The following ABCB1 variants were observed in gnomAD, a reference collection of about 807,000 sequenced individuals.
ABCB1 encodes the protein ATP-dependent translocase ABCB1.
In ABCB1, 69 loss-of-function variants were observed where a neutral mutation model predicts 142.0. The ratio of observed to expected loss-of-function variants is 0.49; its 90% CI spans 0.40 to 0.59. The LOEUF (loss-of-function observed/expected upper bound fraction) is 0.59, where lower values mean the gene tolerates loss of function less well. Among genes scored for constraint, ABCB1 ranks in the 20% least tolerant of loss-of-function variants. ABCB1 has a pLI of 0.00. For missense variants in ABCB1, 1,326 were observed against 1,554.7 expected, an observed-to-expected ratio of 0.85 and a Z score of 2.47; for synonymous variants, 532 against 539.2, an observed-to-expected ratio of 0.99 and a Z score of 0.18.
At chr7:87,553,192 A>G (rs1285337074) in intron 9 of ABCB1, among the ~76,000 whole-genome samples, 3 of 152,224 alleles carry the variant, frequency 2.0e-5, no homozygotes, top group Non-Finnish European at 4.4e-5. Flanking sequence ...ATAAAAGTTC[A>G]TGCTATTGAG....
chr7:87,526,529 T>TA lies in ABCB1; in HGVS notation c.2685+4764dup, dbSNP rs972236683. ...GACCTCATGTCTACAAAAAATTTAT[T>TA]AAAAAAAAAAAGATTCTTATAACCC... On this transcript the variant is annotated intron_variant, in intron 21 of 27. Coordinates refer to ENST00000622132, the MANE Select transcript of ABCB1 (RefSeq NM_001348946.2). Among the ~76,000 whole-genome samples the TA allele has an allele frequency of 3.8e-4, 55 of 144,712 alleles. 1 individual carries two copies. The highest frequency in any genetic ancestry group is 7.1e-4 in the African/African-American group (28 of 39,612). The allele number at this position is 144,712 out of a possible 152,430, so 94.9% of individuals were successfully genotyped here.
intron 1 of ABCB1, among the ~76,000 whole-genome samples, chr7:87,620,911 T>C (rs1435720697): frequency 6.6e-6 from 1 of 152,022 alleles, no homozygotes; most frequent in African/African-American, 2.4e-5. Context: ...ATTTAGGAAG[T>C]GTAGTGGAAA....
chr7:87,594,590 C>T (rs993046921), intron 3 of ABCB1, among the ~76,000 whole-genome samples: 1 of 152,148 alleles, frequency 6.6e-6, no homozygotes, highest in Non-Finnish European at 1.5e-5. Context: ...TTAACCTAAA[C>T]GCTTCTTTCC....
At chr7:87,594,591 G>A (rs951212161) in intron 3 of ABCB1, among the ~76,000 whole-genome samples, 2 of 152,074 alleles carry the variant, frequency 1.3e-5, no homozygotes, top group Admixed American at 6.6e-5. Context: ...TAACCTAAAC[G>A]CTTCTTTCCA....
intron 4 of ABCB1, among the ~76,000 whole-genome samples, chr7:87,581,157 A>T (rs558190170): frequency 1.3e-5 from 2 of 152,042 alleles, no homozygotes; most frequent in South Asian, 4.2e-4. Flanking sequence ...AACTCTCACT[A>T]TCTTGCCCAG....
intron 1 of ABCB1, among the ~76,000 whole-genome samples, chr7:87,705,801 T>C (rs1282849973): frequency 6.6e-6 from 1 of 152,190 alleles, no homozygotes; most frequent in Non-Finnish European, 1.5e-5. Context: ...ATATGATCCC[T>C]GAAAAAAACC....
intron 22 of ABCB1, among the ~76,000 whole-genome samples, chr7:87,520,150 T>C (rs543268835): frequency 1.3e-5 from 2 of 152,326 alleles, no homozygotes; most frequent in East Asian, 3.9e-4. Flanking sequence ...AGATCAACTC[T>C]GCTTTTACCT....
chr7:87,665,547 T>G (rs758537696), intron 1 of ABCB1, among the ~76,000 whole-genome samples: 6 of 152,152 alleles, frequency 3.9e-5, no homozygotes, highest in Non-Finnish European at 5.9e-5. Context: ...TATTTCCTTT[T>G]TTAAACTTTT....
intron 1 of ABCB1, among the ~76,000 whole-genome samples, chr7:87,664,610 A>G (rs1214261854): frequency 6.6e-6 from 1 of 152,182 alleles, no homozygotes; most frequent in East Asian, 1.9e-4. Flanking sequence ...GATGTCTGAA[A>G]TAAAACATTA....
chr7:87,562,221 G>A (rs1004273703), intron 7 of ABCB1, among the ~76,000 whole-genome samples: 1 of 152,178 alleles, frequency 6.6e-6, no homozygotes, highest in African/African-American at 2.4e-5. Context: ...GGAATGGGTG[G>A]ATGAAGGCAA....
intron 20 of ABCB1, among the ~76,000 whole-genome samples, 191 bp downstream of exon 20, chr7:87,536,267 A>G (rs1288238948): frequency 6.6e-6 from 1 of 152,256 alleles, no homozygotes; most frequent in Non-Finnish European, 1.5e-5. Flanking sequence ...AGTTATCTAT[A>G]TGCTCTACAG....
chr7:87,620,124 C>T (rs534176673), intron 1 of ABCB1, among the ~76,000 whole-genome samples: 52 of 151,938 alleles, frequency 3.4e-4, no homozygotes, highest in African/African-American at 1.1e-3. Flanking sequence ...CCTGTTTAGA[C>T]GTTTGTGAGT....
chr7:87,596,702 T>G (rs1384160039), intron 2 of ABCB1, among the ~76,000 whole-genome samples: 1 of 152,126 alleles, frequency 6.6e-6, no homozygotes, highest in African/African-American at 2.4e-5. Context: ...TTTGTCTTTG[T>G]TCTTTACACT....
intron 20 of ABCB1, among the ~76,000 whole-genome samples, chr7:87,532,510 A>C (rs1816097976): frequency 6.6e-6 from 1 of 152,164 alleles, no homozygotes; most frequent in Non-Finnish European, 1.5e-5. Context: ...TTATACGCTA[A>C]TTATAATGTA....
chr7:87,587,715 A>G (rs1308230242), intron 3 of ABCB1, among the ~76,000 whole-genome samples: 2 of 151,914 alleles, frequency 1.3e-5, no homozygotes, highest in African/African-American at 4.8e-5. Flanking sequence ...ATTAAAATAC[A>G]AAAAAAGAAA....
rs1765654357 is a variant in ABCB1, at chr7:87,709,244, T to A, written c.-331+3917A>T. Reference sequence around the variant, plus strand: ...CATTTCTTATCTAGTAACAGCATAGTCTCCTGTGCTGAATTGTCTCTGGAG... The same window carrying A: ...CATTTCTTATCTAGTAACAGCATAGACTCCTGTGCTGAATTGTCTCTGGAG... On this transcript the variant is annotated intron_variant, in intron 1 of 28. Coordinates refer to the ABCB1 transcript ENST00000265724. 6.1e-6 allele frequency: 6 copies of A among 984,834 alleles called. No individual in the cohort carries two copies. The South Asian group carries it at 1.9e-4, about 31-fold the overall frequency. The allele number at this position is 984,834 out of a possible 1,614,324, so 61.0% of individuals were successfully genotyped here.
rs971420930 is a variant in ABCB1, at chr7:87,516,984, G to A, written c.2928-319C>T. 3.9e-5 allele frequency among the ~76,000 whole-genome samples: 6 copies of A among 151,930 alleles called. 1 individual carries two copies. In the South Asian group the frequency reaches 1.2e-3, roughly 32 times the overall value. ...ACTACCGGGCTGAAGTGAACCTCCT[G>A]CTTCAGCCTCCAAAAGTGCCGGGAT... On this transcript the variant is annotated intron_variant, in intron 23 of 27. Coordinates refer to ENST00000622132, the MANE Select transcript of ABCB1 (RefSeq NM_001348946.2).
rs547093769 is a variant in ABCB1, at chr7:87,545,011, A to G, written c.1888-12T>C. The G allele has an allele frequency of 7.6e-5, 123 of 1,612,512 alleles. No individual in the cohort carries two copies. In the South Asian group the frequency reaches 1.3e-3, roughly 17 times the overall value. On this transcript the variant is annotated splice_polypyrimidine_tract_variant and intron_variant, in intron 15 of 27. Transcript: ENST00000622132. ...TCATTTCCTGCTGTCTAAAATAAAT[A>G]AGAAATATGCAAAAGCTCATTAGGC...
intron 4 of ABCB1, among the ~76,000 whole-genome samples, chr7:87,576,661 C>A (rs756484240): frequency 1.3e-5 from 2 of 151,716 alleles, no homozygotes; most frequent in Non-Finnish European, 2.9e-5. Context: ...TCTCCATATT[C>A]TATCCCAGAG....
Sources: gnomAD v4.1 joint callset for allele counts (sites outside exome capture counted in the v4.1 genomes callset) on GRCh38, gnomAD v4.1.1 for gene constraint, MANE v1.5 for transcripts, NCBI Gene and HGNC (gene_info 2026-07-23, HGNC 2026-07-21) for gene names.